CA10: variants seen among roughly 807,000 people sequenced by gnomAD.
CA10 encodes the protein carbonic anhydrase 10 (inactive).
A neutral mutation model predicts 44.2 loss-of-function variants in CA10; 14 were observed. The observed-to-expected ratio is 0.32, with a 90% CI of 0.21 to 0.50. The LOEUF is 0.50. Ranked by LOEUF, CA10 falls within the 20% of genes least tolerant of loss-of-function variation. CA10 has a pLI of 0.99. For synonymous variants in CA10, 159 were observed against 141.6 expected, an observed-to-expected ratio of 1.12 and a Z score of -0.87; for missense variants, 350 against 409.7, an observed-to-expected ratio of 0.85 and a Z score of 1.26.
chr17:51,894,089 A>T (rs1980970950), intron 3 of CA10, among the ~76,000 whole-genome samples: 1 of 152,176 alleles, frequency 6.6e-6, no homozygotes, highest in South Asian at 2.1e-4. Context: ...CTGAATACTG[A>T]GGAATTTCTG....
chr17:51,857,621 A>T (rs532165308), intron 3 of CA10, among the ~76,000 whole-genome samples: 3 of 152,156 alleles, frequency 2.0e-5, no homozygotes, highest in Non-Finnish European at 4.4e-5. Context: ...TTACTATCGC[A>T]ACAAACTATT....
intron 1 of CA10, among the ~76,000 whole-genome samples, chr17:52,127,474 A>G (rs1989144590): frequency 6.6e-6 from 1 of 152,126 alleles, no homozygotes; most frequent in African/African-American, 2.4e-5. Flanking sequence ...AGAAGTATTC[A>G]CTTCCTTTCC....
At chr17:52,092,964 G>A (rs1454502403) in intron 1 of CA10, among the ~76,000 whole-genome samples, 2 of 152,120 alleles carry the variant, frequency 1.3e-5, no homozygotes, top group East Asian at 3.9e-4. Flanking sequence ...GGAACTTTAA[G>A]CAAAACAACG....
At chr17:51,926,388 G>C (rs1422902505) in intron 3 of CA10, among the ~76,000 whole-genome samples, 1 of 152,168 alleles carries the variant, frequency 6.6e-6, no homozygotes, top group East Asian at 1.9e-4. Flanking sequence ...TTGTTGATTT[G>C]TGGTTAGTAA....
chr17:51,631,587 C>CTT lies in CA10; in HGVS notation c.982_983dup (p.Ter329SerfsTer18), dbSNP rs1268079370. On this transcript the variant is annotated frameshift_variant, in exon 9 of 9. Transcript: ENST00000451037. LOFTEE classifies it high-confidence loss of function. ...GGATTCTTCTTGGCTTTGTTCCCTA[C>CTT]TTGAGGAGCCATTCATTTACTGCAA... is the stretch of plus-strand genomic sequence containing the variant. 1.2e-6 allele frequency: 2 copies of CTT among 1,612,750 alleles called. No individual in the cohort carries two copies. The highest frequency in any genetic ancestry group is 2.2e-5 in the South Asian group (2 of 91,020).
chr17:51,673,124 C>T (rs1914486508), intron 4 of CA10, among the ~76,000 whole-genome samples: 1 of 152,160 alleles, frequency 6.6e-6, no homozygotes, highest in African/African-American at 2.4e-5. Flanking sequence ...TTTCTTGGTC[C>T]ATGAATTCAG....
intron 1 of CA10, among the ~76,000 whole-genome samples, chr17:52,112,752 C>A (rs1356850172): frequency 6.6e-6 from 1 of 152,176 alleles, no homozygotes; most frequent in East Asian, 1.9e-4. Flanking sequence ...TTATTATAAA[C>A]AGCAAGAACA....
Position 51,790,223 on chromosome 17 carries a change from G to A in CA10, c.280-42405C>T, listed in dbSNP as rs9652848. Among the ~76,000 whole-genome samples, 1,132 of 152,234 alleles carry A rather than the reference G, an allele frequency of 7.4e-3. 16 individuals are homozygous for A. Among genetic ancestry groups the A allele is most frequent in the African/African-American group, 0.026 (1,087 of 41,528 alleles). On this transcript the variant is annotated intron_variant, in intron 3 of 8. Coordinates refer to ENST00000451037, the MANE Select transcript of CA10 (RefSeq NM_020178.5). ...TTAATGTGCTGCTTTGCTGGAGCCC[G>A]AGCCTCTGATTTCCCTTGTTCAGCT...
intron 8 of CA10, among the ~76,000 whole-genome samples, chr17:51,633,158 A>G (rs556514648): frequency 1.3e-5 from 2 of 152,278 alleles, no homozygotes; most frequent in South Asian, 2.1e-4. Flanking sequence ...GGTTTGATAT[A>G]TGTGTTTAAA....
At chr17:52,017,474 T>C (rs189012636) in intron 2 of CA10, among the ~76,000 whole-genome samples, 7 of 152,230 alleles carry the variant, frequency 4.6e-5, no homozygotes, top group African/African-American at 1.7e-4. Context: ...CTGCACTGTG[T>C]CCATGTCCTA....
intron 2 of CA10, among the ~76,000 whole-genome samples, chr17:52,033,870 C>A (rs1239462203): frequency 6.6e-6 from 1 of 152,160 alleles, no homozygotes; most frequent in East Asian, 1.9e-4. Context: ...GAAGAAAATC[C>A]TGCCATTTGC....
rs756919890 is a variant in CA10, at chr17:52,134,902, C to A, written c.61+22824G>T. The A allele has an allele frequency of 5.8e-6, 3 of 519,034 alleles. No individual in the cohort carries two copies. The Admixed American group carries it at 5.8e-5, about 10-fold the overall frequency. 32.2% of individuals were successfully genotyped at this position (519,034 alleles called of 1,614,324 possible). On this transcript the variant is annotated intron_variant, in intron 1 of 8. Coordinates refer to ENST00000451037, the MANE Select transcript of CA10 (RefSeq NM_020178.5). The stretch of plus-strand genomic sequence containing the variant: ...ACCATTCTCCCTCACCCCCACCATA[C>A]ACAGTTCATCAGGCTCTGTGAATCC...
intron 2 of CA10, among the ~76,000 whole-genome samples, chr17:51,956,523 C>G (rs1485384406): frequency 6.6e-6 from 1 of 152,026 alleles, no homozygotes; most frequent in Non-Finnish European, 1.5e-5. Context: ...TTGTCTTCAA[C>G]AGATAGAAAT....
intron 3 of CA10, among the ~76,000 whole-genome samples, chr17:51,805,206 T>C (rs1907080560): frequency 6.6e-6 from 1 of 152,250 alleles, no homozygotes; most frequent in Non-Finnish European, 1.5e-5. Context: ...TGTTCTTTCA[T>C]GTTTCTGTGC....
chr17:51,745,156 G>A (rs1385696114), intron 4 of CA10, among the ~76,000 whole-genome samples: 1 of 152,098 alleles, frequency 6.6e-6, no homozygotes, highest in Non-Finnish European at 1.5e-5. Context: ...CAATGTGTGT[G>A]CCTTCCCCCC....
intron 3 of CA10, among the ~76,000 whole-genome samples, chr17:51,901,336 C>T (rs1176904367): frequency 1.3e-5 from 2 of 152,038 alleles, no homozygotes; most frequent in African/African-American, 4.8e-5. Context: ...GGGCCTGGTA[C>T]CCAGCCCCCA....
At chr17:51,987,942 A>C (rs1273720013) in intron 2 of CA10, among the ~76,000 whole-genome samples, 1 of 152,066 alleles carries the variant, frequency 6.6e-6, no homozygotes, top group Non-Finnish European at 1.5e-5. Flanking sequence ...ATGTTATAGA[A>C]AGAATAAATG....
intron 2 of CA10, among the ~76,000 whole-genome samples, chr17:52,023,319 T>C (rs754505478): frequency 5.9e-5 from 9 of 151,594 alleles, no homozygotes; most frequent in Non-Finnish European, 1.3e-4. Context: ...CTACAACCAA[T>C]CAACCAACCA....
chr17:51,663,314 T>C (rs1257144178), intron 4 of CA10, among the ~76,000 whole-genome samples: 1 of 308 alleles, frequency 3.2e-3, no homozygotes, highest in Non-Finnish European at 5.6e-3. Flanking sequence ...CAGAGTGGGA[T>C]GAGCCTCCTG....
Sources: allele counts gnomAD v4.1 joint callset (sites outside exome capture counted in the v4.1 genomes callset), GRCh38; gene constraint gnomAD v4.1.1; transcripts MANE v1.5; gene names NCBI Gene and HGNC (gene_info 2026-07-23, HGNC 2026-07-21).